The following TAOK3 variants were observed in gnomAD, a reference collection of about 807,000 sequenced individuals.
The protein encoded by TAOK3 is TAO kinase 3.
TAOK3 carries 40 observed loss-of-function variants against 120.4 expected under a neutral mutation model. That is an observed-to-expected ratio of 0.33 (90% CI 0.26 to 0.43). The LOEUF (loss-of-function observed/expected upper bound fraction) is 0.43. TAOK3 is among the 20% of genes least tolerant of loss of function. The pLI, the probability that TAOK3 is intolerant of heterozygous loss-of-function variation, is 1.00. For missense variants in TAOK3, 821 were observed against 1,112.1 expected, an observed-to-expected ratio of 0.74 and a Z score of 3.72; for synonymous variants, 355 against 387.5, an observed-to-expected ratio of 0.92 and a Z score of 0.99.
At chr12:118,204,797 A>G (rs1384528704) in intron 11 of TAOK3, among the ~76,000 whole-genome samples, 3 of 152,230 alleles carry the variant, frequency 2.0e-5, no homozygotes, top group Admixed American at 6.5e-5. Flanking sequence ...TGGGAGGCCA[A>G]GGCGGGCAGA....
At chr12:118,177,139 T>C in intron 16 of TAOK3, 62 bp downstream of exon 16, 1 of 1,528,258 alleles carries the variant, frequency 6.5e-7, no homozygotes, top group South Asian at 1.2e-5. Flanking sequence ...GCAAGATGAG[T>C]GAATGTTAAG....
intron 1 of TAOK3, among the ~76,000 whole-genome samples, chr12:118,297,858 G>A (rs1304784273): frequency 6.6e-6 from 1 of 152,182 alleles, no homozygotes; most frequent in Non-Finnish European, 1.5e-5. Context: ...CAGTCACTCA[G>A]GAGGCTGAAG....
chr12:118,151,523 C>A (rs893024253), intron 20 of TAOK3, among the ~76,000 whole-genome samples: 1 of 152,178 alleles, frequency 6.6e-6, no homozygotes, highest in Non-Finnish European at 1.5e-5. Flanking sequence ...AAAAGACACT[C>A]AAGCACAATT....
chr12:118,372,614 C>G lies in TAOK3; in HGVS notation c.-194+34G>C, dbSNP rs1207879644. On this transcript the variant is annotated intron_variant, in intron 1 of 20. Coordinates refer to ENST00000392533, the MANE Select transcript of TAOK3 (RefSeq NM_016281.4). The surrounding 1 kb of genome is among the most constrained non-coding windows in gnomAD (Gnocchi z 4.6). ...TGCCTGGGGTCCCGCCGCCTCGGCTCCCACTGTCATGCCCCGCGCCCCGGT... is the reference window on the plus strand; with the variant it reads ...TGCCTGGGGTCCCGCCGCCTCGGCTGCCACTGTCATGCCCCGCGCCCCGGT... The G allele has an allele frequency of 6.4e-6, 1 of 157,452 alleles. No homozygotes were observed. The highest frequency in any genetic ancestry group is 2.4e-5 in the African/African-American group (1 of 41,526). 9.8% of individuals were successfully genotyped at this position (157,452 alleles called of 1,614,324 possible).
At chr12:118,166,814 G>GTATATATATATATA (rs535817182) in intron 17 of TAOK3, among the ~76,000 whole-genome samples, 2 of 138,982 alleles carry the variant, frequency 1.4e-5, no homozygotes, top group Non-Finnish European at 3.1e-5. Context: ...GTGTGTGTGT[G>GTATATATATATATA]TATATATATA....
intron 14 of TAOK3, among the ~76,000 whole-genome samples, chr12:118,186,408 G>A (rs1004948989): frequency 6.6e-6 from 1 of 152,132 alleles, no homozygotes; most frequent in African/African-American, 2.4e-5. Context: ...AAACGGCCAA[G>A]AGCCCCAGAC....
At chr12:118,192,225 G>T in intron 13 of TAOK3, among the ~76,000 whole-genome samples, 1 of 152,004 alleles carries the variant, frequency 6.6e-6, no homozygotes, top group East Asian at 1.9e-4. Flanking sequence ...GAAGTACACC[G>T]GAAAAATTAA....
intron 13 of TAOK3, among the ~76,000 whole-genome samples, chr12:118,198,093 T>G (rs2139221391): frequency 6.6e-6 from 1 of 152,292 alleles, no homozygotes; most frequent in Non-Finnish European, 1.5e-5. Flanking sequence ...TTCCATGTCT[T>G]CCTGATAATC....
chr12:118,263,788 G>T (rs549606737), intron 2 of TAOK3, among the ~76,000 whole-genome samples: 4 of 152,132 alleles, frequency 2.6e-5, no homozygotes, highest in Admixed American at 2.0e-4. Flanking sequence ...ATGAGAGGCC[G>T]GGCACGGTGG....
At chr12:118,333,128 CA>C (rs765185665) in intron 1 of TAOK3, among the ~76,000 whole-genome samples, 2 of 152,054 alleles carry the variant, frequency 1.3e-5, no homozygotes, top group Admixed American at 6.5e-5. Context: ...TGCTATCAAC[CA>C]ACAGGATCTA....
At chr12:118,244,843 T>C (rs770520904) in intron 4 of TAOK3, 51 bp downstream of exon 4, 1 of 1,429,490 alleles carries the variant, frequency 7.0e-7, no homozygotes, top group African/African-American at 1.4e-5. Context: ...TTTGTTAATT[T>C]CATACTAACT....
intron 1 of TAOK3, among the ~76,000 whole-genome samples, chr12:118,363,923 A>C (rs2045675564): frequency 6.6e-6 from 1 of 152,110 alleles, no homozygotes; most frequent in Non-Finnish European, 1.5e-5. Flanking sequence ...GGAGTTTGAG[A>C]CCAGCCTGAC....
chr12:118,230,518 C>T (rs1163527170), intron 9 of TAOK3, among the ~76,000 whole-genome samples: 1 of 116,518 alleles, frequency 8.6e-6, no homozygotes, highest in African/African-American at 3.4e-5. Context: ...GTCACCCAGG[C>T]TGGAGTGCAG....
At chr12:118,298,635 A>G (rs1225343379) in intron 1 of TAOK3, among the ~76,000 whole-genome samples, 1 of 152,148 alleles carries the variant, frequency 6.6e-6, no homozygotes, top group Non-Finnish European at 1.5e-5. Flanking sequence ...GTTATGGGGG[A>G]AAAAAGTAAC....
intron 1 of TAOK3, among the ~76,000 whole-genome samples, chr12:118,278,711 G>T (rs765116704): frequency 3.9e-5 from 6 of 152,122 alleles, no homozygotes; most frequent in Non-Finnish European, 7.3e-5. Context: ...TTGAGAAATC[G>T]CCAAACTGCT....
intron 11 of TAOK3, among the ~76,000 whole-genome samples, chr12:118,204,172 C>G (rs566282569): frequency 6.7e-6 from 1 of 150,182 alleles, no homozygotes; most frequent in Non-Finnish European, 1.5e-5. Context: ...GAGGCTGAGG[C>G]AGGAGAATGG....
chr12:118,312,426 T>C (rs1276715758), intron 1 of TAOK3, among the ~76,000 whole-genome samples: 1 of 152,204 alleles, frequency 6.6e-6, no homozygotes, highest in Non-Finnish European at 1.5e-5. Flanking sequence ...TAGTTACCCA[T>C]AATGTTCCTA....
chr12:118,156,404 A>G (rs949597414), intron 19 of TAOK3, among the ~76,000 whole-genome samples: 3 of 151,674 alleles, frequency 2.0e-5, no homozygotes, highest in Admixed American at 1.3e-4. Context: ...GTCCTTACCT[A>G]CCTGGTCCTT....
chr12:118,200,308 C>T (rs1375086397), intron 12 of TAOK3: 1 of 152,096 alleles, frequency 6.6e-6, no homozygotes, highest in African/African-American at 2.4e-5. Flanking sequence ...TTCTGAAATC[C>T]TGCCTCTTTA....
Sources: allele counts gnomAD v4.1 joint callset (sites outside exome capture counted in the v4.1 genomes callset), GRCh38; gene constraint gnomAD v4.1.1; non-coding constraint Gnocchi (gnomAD v3.1); transcripts MANE v1.5; gene names NCBI Gene and HGNC (gene_info 2026-07-23, HGNC 2026-07-21).